The following HIGD1C variants were observed in gnomAD, a reference collection of about 807,000 sequenced individuals.
HIGD1C encodes HIG1 domain family member 1C.
HIGD1C carries 11 observed loss-of-function variants against 13.1 expected under a neutral mutation model. The observed-to-expected ratio is 0.84, with a 90% CI of 0.53 to 1.39. HIGD1C has a LOEUF of 1.39. Ranked by LOEUF, HIGD1C falls within the 40% of genes most tolerant of loss-of-function variation. The pLI is 0.00. For synonymous variants in HIGD1C, 36 were observed against 37.7 expected (o/e 0.95, Z 0.17); for missense variants, 110 against 112.0 (o/e 0.98, Z 0.08).
chr12:50,960,946 C>G, intron 1 of HIGD1C, 22 bp from the exon 4 acceptor site: 1 of 1,545,396 alleles, frequency 6.5e-7, no homozygotes, highest in Non-Finnish European at 8.7e-7. Flanking sequence ...TTCCAAATAA[C>G]CCATACTTTT....
At chr12:50,963,758 T>C (rs1344164540) in intron 2 of HIGD1C, among the ~76,000 whole-genome samples, 1 of 152,194 alleles carries the variant, frequency 6.6e-6, no homozygotes, top group Non-Finnish European at 1.5e-5. Context: ...CTAAATCTCA[T>C]ACAGGATGTC....
intron 2 of HIGD1C, among the ~76,000 whole-genome samples, chr12:50,962,764 TG>T (rs926494465): frequency 1.3e-5 from 2 of 152,112 alleles, no homozygotes; most frequent in Non-Finnish European, 2.9e-5. Context: ...TAACTAGGGC[TG>T]GGAGGCCAGA....
chr12:50,940,042 A>C, the HIGD1C span: 1 of 151,948 alleles, frequency 6.6e-6, no homozygotes, highest in Non-Finnish European at 1.5e-5. Context: ...GGATTATTAT[A>C]CATTATAATG....
chr12:50,956,327 G>C (rs1240510138), intron 1 of HIGD1C, among the ~76,000 whole-genome samples: 1 of 152,188 alleles, frequency 6.6e-6, no homozygotes, highest in Non-Finnish European at 1.5e-5. Flanking sequence ...AGGAAGTGGA[G>C]GTTGCAGTGA....
chr12:50,961,102 G>C (rs371018971), exon 2 of HIGD1C: 17 of 1,613,650 alleles, frequency 1.1e-5, no homozygotes, highest in Non-Finnish European at 1.4e-5. Flanking sequence ...TGTGACTCTA[G>C]GTAACCCGCT....
At chr12:50,964,942 C>G (rs957807593) in intron 2 of HIGD1C, among the ~76,000 whole-genome samples, 3 of 152,184 alleles carry the variant, frequency 2.0e-5, no homozygotes, top group Non-Finnish European at 4.4e-5. Flanking sequence ...TGCCCAAGCT[C>G]AAACTCCTGA....
At chr12:50,951,132 C>T (rs1265731852), upstream of HIGD1C, among the ~76,000 whole-genome samples, 1 of 152,026 alleles carries the variant, frequency 6.6e-6, no homozygotes, top group Non-Finnish European at 1.5e-5. Context: ...ATTAAAGTAC[C>T]TGTTCAGAAA....
rs190322784 is a variant in HIGD1C at position 50,961,785 on chromosome 12, C to T, written c.229+683C>T. Among the ~76,000 whole-genome samples, 463 of 152,254 alleles carry T rather than the reference C, an allele frequency of 3.0e-3. 1 individual carries two copies. Among genetic ancestry groups the T allele is most frequent in the Middle Eastern group, 0.01 (3 of 294 alleles). ...CAATACTCTTAAGTCCCCTTCATGA[C>T]GTGCAGAGTGGAGTCATCCTGCGTA... is the stretch of plus-strand genomic sequence containing the variant. On this transcript the variant is annotated intron_variant, in intron 2 of 2. Coordinates refer to ENST00000398455, the Ensembl canonical transcript of HIGD1C.
intron 2 of HIGD1C, among the ~76,000 whole-genome samples, chr12:50,962,690 C>T (rs776047216): frequency 2.0e-5 from 3 of 152,144 alleles, no homozygotes; most frequent in Admixed American, 6.5e-5. Context: ...GAGCAAGACT[C>T]CATCTCAAAA....
the HIGD1C span, among the ~76,000 whole-genome samples, chr12:50,940,706 G>C: frequency 1.4e-5 from 2 of 144,660 alleles, no homozygotes; most frequent in South Asian, 4.8e-4. Context: ...CTGGGCGACA[G>C]AGTGAGACCC....
At chr12:50,946,451 A>G in the HIGD1C span, among the ~76,000 whole-genome samples, 1 of 152,236 alleles carries the variant, frequency 6.6e-6, no homozygotes, top group Non-Finnish European at 1.5e-5. Flanking sequence ...AAAAGAAGAC[A>G]TTTATGCAGC....
At chr12:50,966,655 T>C (rs1472851904) in intron 2 of HIGD1C, among the ~76,000 whole-genome samples, 1 of 152,248 alleles carries the variant, frequency 6.6e-6, no homozygotes, top group African/African-American at 2.4e-5. Context: ...GATTACCTTT[T>C]GGTCCAAGTT....
At chr12:50,967,297 C>T (rs1022617883) in intron 2 of HIGD1C, among the ~76,000 whole-genome samples, 1 of 151,670 alleles carries the variant, frequency 6.6e-6, no homozygotes, top group African/African-American at 2.4e-5. Context: ...AGGTATGCAT[C>T]ATCATGTCTG....
At chr12:50,961,162 TATTC>T in intron 2 of HIGD1C, 60 bp downstream of exon 4, 1 of 1,527,834 alleles carries the variant, frequency 6.5e-7, no homozygotes, top group East Asian at 2.3e-5. Context: ...TTATTTATTT[TATTC>T]ATTCATAGTA....
At chr12:50,958,316 C>G (rs1273847148) in intron 1 of HIGD1C, among the ~76,000 whole-genome samples, 1 of 142,292 alleles carries the variant, frequency 7.0e-6, no homozygotes, top group Non-Finnish European at 1.5e-5. Flanking sequence ...GAGTCTTGCT[C>G]TGTTGCCCAG....
At chr12:50,958,573 G>A (rs1385245713) in intron 1 of HIGD1C, among the ~76,000 whole-genome samples, 2 of 151,638 alleles carry the variant, frequency 1.3e-5, no homozygotes, top group Admixed American at 6.6e-5. Context: ...GAGCCACCGC[G>A]CCCGGCCTAA....
At chr12:50,960,993 G>A (rs755120419) in exon 2 of HIGD1C, 5 of 1,601,440 alleles carry the variant, frequency 3.1e-6, no homozygotes, top group Admixed American at 3.5e-5. Flanking sequence ...TGACTGTGGT[G>A]TCCTGTGGTC....
upstream of HIGD1C, among the ~76,000 whole-genome samples, chr12:50,951,529 A>T (rs1225884363): frequency 6.6e-6 from 1 of 152,190 alleles, no homozygotes; most frequent in Non-Finnish European, 1.5e-5. Flanking sequence ...ATTCTGCCCA[A>T]AATGTATGAC....
chr12:50,957,522 G>A (rs1476634927), intron 1 of HIGD1C, among the ~76,000 whole-genome samples: 3 of 151,512 alleles, frequency 2.0e-5, no homozygotes, highest in East Asian at 3.9e-4. Flanking sequence ...TCTTTTAATC[G>A]ATCCTTACAT....
Sources: allele counts gnomAD v4.1 joint callset (sites outside exome capture counted in the v4.1 genomes callset), GRCh38; gene constraint gnomAD v4.1.1; transcripts MANE v1.5; gene names NCBI Gene and HGNC (gene_info 2026-07-23, HGNC 2026-07-21).